VIT: variants seen among roughly 807,000 people sequenced by gnomAD.
VIT encodes the protein vitrin.
Under a neutral mutation model 78.0 loss-of-function variants are expected in VIT, and 99 were observed. The ratio of observed to expected loss-of-function variants is 1.27; its 90% CI spans 1.08 to 1.50. The LOEUF is 1.50. Among genes scored for constraint, VIT ranks in the 40% most tolerant of loss-of-function variants. The pLI, the probability that VIT is intolerant of heterozygous loss-of-function variation, is 0.00. For missense variants in VIT, 1,126 were observed against 875.3 expected, an observed-to-expected ratio of 1.29 and a Z score of -3.61; for synonymous variants, 374 against 334.3, an observed-to-expected ratio of 1.12 and a Z score of -1.29.
At chr2:36,759,509 G>A in intron 6 of VIT, 1 of 1,124,004 alleles carries the variant, frequency 8.9e-7, no homozygotes, top group Non-Finnish European at 1.1e-6. Flanking sequence ...ACAAGGTTGT[G>A]CCAACTCAGC....
intron 5 of VIT, 103 bp downstream of exon 5, chr2:36,755,157 A>G (rs2148550686): frequency 7.7e-7 from 1 of 1,295,660 alleles, no homozygotes; most frequent in Non-Finnish European, 1.0e-6. Flanking sequence ...CTCATTTCAT[A>G]AAAATCTGAA....
At chr2:36,795,000 C>T (rs1665767428) in intron 12 of VIT, among the ~76,000 whole-genome samples, 1 of 152,044 alleles carries the variant, frequency 6.6e-6, no homozygotes, top group African/African-American at 2.4e-5. Flanking sequence ...TTCACCTCCA[C>T]TGGGGATGAA....
chr2:36,786,670 C>G (rs926284803), intron 11 of VIT, among the ~76,000 whole-genome samples: 1 of 152,196 alleles, frequency 6.6e-6, no homozygotes, highest in African/African-American at 2.4e-5. Context: ...AATTCCTGCC[C>G]TCCCTCAGTG....
chr2:36,721,558 C>T (rs1020963064), intron 2 of VIT, among the ~76,000 whole-genome samples: 8 of 152,202 alleles, frequency 5.3e-5, no homozygotes, highest in African/African-American at 1.7e-4. Context: ...CTCTTGCTCT[C>T]CATGCAAACT....
intron 15 of VIT, among the ~76,000 whole-genome samples, chr2:36,811,994 A>C (rs1232073423): frequency 6.6e-6 from 1 of 151,960 alleles, no homozygotes. Flanking sequence ...TAAATTTCTA[A>C]TACTGTTTGC....
chr2:36,786,423 G>A (rs2148631148), intron 11 of VIT, among the ~76,000 whole-genome samples: 1 of 152,194 alleles, frequency 6.6e-6, no homozygotes, highest in African/African-American at 2.4e-5. Context: ...GGTGAAAAGA[G>A]CTTGCAGCCC....
chr2:36,729,039 T>C (rs1558520325), intron 2 of VIT, among the ~76,000 whole-genome samples: 1 of 152,264 alleles, frequency 6.6e-6, no homozygotes, highest in South Asian at 2.1e-4. Flanking sequence ...TATACTGTAT[T>C]TTTACTATAC....
intron 1 of VIT, among the ~76,000 whole-genome samples, chr2:36,714,226 A>G (rs1327026494): frequency 6.6e-6 from 1 of 152,250 alleles, no homozygotes; most frequent in Non-Finnish European, 1.5e-5. Context: ...CTTGTATATT[A>G]TCTCAACCCA....
At chr2:36,790,496 C>T (rs569761970) in intron 12 of VIT, among the ~76,000 whole-genome samples, 25 of 152,282 alleles carry the variant, frequency 1.6e-4, no homozygotes, top group South Asian at 1.2e-3. Flanking sequence ...TCTCCACCTG[C>T]GGGACCCATA....
Position 36,808,588 on chromosome 2 carries a change from C to G in VIT, c.1506C>G (p.Ser502Arg), listed in dbSNP as rs755791281. 1 of 1,614,192 alleles carries G rather than the reference C, an allele frequency of 6.2e-7. No individual in the cohort carries two copies. The highest frequency in any genetic ancestry group is 1.7e-5 in the Admixed American group (1 of 60,030). Residue 502 changes from serine (S) to arginine (R), a missense_variant, in exon 15 of 16, where the codon AGC (serine) becomes AGG (arginine). By Grantham distance (110) the Ser-to-Arg change is moderately radical. Transcript: ENST00000379242. The stretch of plus-strand genomic sequence containing the variant: ...GCGACACTGACCGCCTGGCCTGCAG[C>G]AAGACCTGCTTGAACTCGGCTGACA... ...RVCDTDRLACSKTCLNSADIG... is the reference protein window; with the variant it reads ...RVCDTDRLACRKTCLNSADIG...
intron 1 of VIT, among the ~76,000 whole-genome samples, chr2:36,705,345 G>A (rs977597921): frequency 1.3e-5 from 2 of 152,098 alleles, no homozygotes; most frequent in Non-Finnish European, 2.9e-5. Flanking sequence ...TTTCCCACTG[G>A]CAATATAAGA....
At chr2:36,727,444 G>A (rs1245096604) in intron 2 of VIT, among the ~76,000 whole-genome samples, 1 of 152,206 alleles carries the variant, frequency 6.6e-6, no homozygotes, top group African/African-American at 2.4e-5. Context: ...AAGGGCCAGG[G>A]TGCTCATCCC....
At chr2:36,810,515 A>G (rs760131877) in intron 15 of VIT, among the ~76,000 whole-genome samples, 1 of 152,198 alleles carries the variant, frequency 6.6e-6, no homozygotes, top group African/African-American at 2.4e-5. Flanking sequence ...GATAATAATA[A>G]TACTACTACT....
chr2:36,810,490 G>A (rs1253371243), intron 15 of VIT, among the ~76,000 whole-genome samples: 1 of 152,160 alleles, frequency 6.6e-6, no homozygotes, highest in Non-Finnish European at 1.5e-5. Flanking sequence ...AAACAGCCTG[G>A]AGAAAACCCC....
intron 1 of VIT, among the ~76,000 whole-genome samples, chr2:36,711,414 G>A (rs1210961663): frequency 6.6e-6 from 1 of 152,172 alleles, no homozygotes; most frequent in African/African-American, 2.4e-5. Context: ...GATGCAACCT[G>A]CAGATTGTCT....
intron 1 of VIT, among the ~76,000 whole-genome samples, chr2:36,704,857 C>T (rs529898701): frequency 6.6e-6 from 1 of 151,280 alleles, no homozygotes; most frequent in African/African-American, 2.4e-5. Flanking sequence ...CATCTTCCTT[C>T]CTATCTCAGC....
intron 15 of VIT, 95 bp downstream of exon 15, chr2:36,809,080 G>T: frequency 6.8e-7 from 1 of 1,460,974 alleles, no homozygotes; most frequent in South Asian, 1.4e-5. Flanking sequence ...TTTATGCATT[G>T]GTTTTTTCTG....
chr2:36,763,768 T>C (rs1330479484), intron 6 of VIT, among the ~76,000 whole-genome samples: 1 of 152,090 alleles, frequency 6.6e-6, no homozygotes, highest in Non-Finnish European at 1.5e-5. Flanking sequence ...TTTGTATTTT[T>C]AGTAGAGACA....
At chr2:36,765,547 C>T (rs181928150) in intron 6 of VIT, among the ~76,000 whole-genome samples, 2 of 152,336 alleles carry the variant, frequency 1.3e-5, no homozygotes, top group East Asian at 3.9e-4. Context: ...TCACCTTCCA[C>T]CTCATCCCTC....
Sources: allele counts gnomAD v4.1 joint callset (sites outside exome capture counted in the v4.1 genomes callset), GRCh38; gene constraint gnomAD v4.1.1; transcripts MANE v1.5; gene names NCBI Gene and HGNC (gene_info 2026-07-23, HGNC 2026-07-21).